Variants in PLA2G4C observed in about 807,000 individuals in gnomAD.
PLA2G4C encodes phospholipase A2 group IVC, also known as cytosolic phospholipase A2 gamma.
In PLA2G4C, 64 loss-of-function variants were observed where a neutral mutation model predicts 73.8. That is an observed-to-expected ratio of 0.87 (90% CI 0.71 to 1.07). PLA2G4C has a LOEUF of 1.07. Ranked by LOEUF, PLA2G4C falls within the 50% of genes least tolerant of loss-of-function variation. PLA2G4C has a pLI of 0.00. For synonymous variants in PLA2G4C, 254 were observed against 252.1 expected (o/e 1.01, Z -0.07); for missense variants, 622 against 665.4 (o/e 0.93, Z 0.72).
chr19:48,055,145 A>T, intron 14 of PLA2G4C, 96 bp from the exon 15 acceptor site: 1 of 1,075,532 alleles, frequency 9.3e-7, no homozygotes. Flanking sequence ...ACCTCAGCTA[A>T]CAGCCCAGAC....
At chr19:48,070,379 C>T (rs1243311360) in intron 12 of PLA2G4C, among the ~76,000 whole-genome samples, 2 of 152,180 alleles carry the variant, frequency 1.3e-5, no homozygotes, top group African/African-American at 4.8e-5. Context: ...GAGGGCAAAA[C>T]AGTTTCTAGA....
At chr19:48,069,388 C>T (rs1445281746) in intron 12 of PLA2G4C, among the ~76,000 whole-genome samples, 5 of 152,256 alleles carry the variant, frequency 3.3e-5, no homozygotes, top group South Asian at 2.1e-4. Flanking sequence ...CACACTTTCC[C>T]GTGCTCCCTT....
In PLA2G4C at chr19:48,105,292, G is replaced by A. The variant is rs757308267; in HGVS notation, c.120+41C>T. On this transcript the variant is annotated intron_variant, in intron 3 of 16. Coordinates refer to ENST00000599921, the MANE Select transcript of PLA2G4C (RefSeq NM_003706.3). Reference sequence around the variant, plus strand: ...CCTGGACACTGGGCACAGAGGGGGCGATTCTGGGATCTCTGGGGCCACCCT... The same window carrying A: ...CCTGGACACTGGGCACAGAGGGGGCAATTCTGGGATCTCTGGGGCCACCCT... 23 of 1,408,086 alleles carry A rather than the reference G, an allele frequency of 1.6e-5. 1 individual carries two copies. The East Asian group carries it at 2.1e-4, about 13-fold the overall frequency. 87.2% of individuals were successfully genotyped at this position (1,408,086 alleles called of 1,614,324 possible).
chr19:48,049,172 C>T (rs1000609), intron 16 of PLA2G4C, among the ~76,000 whole-genome samples: 28,993 of 152,104 alleles, frequency 0.19, 3,537 homozygotes, highest in Non-Finnish European at 0.26. Flanking sequence ...TATAAATTAC[C>T]GAGCCTCAGA....
intron 12 of PLA2G4C, among the ~76,000 whole-genome samples, chr19:48,068,220 G>A (rs757029209): frequency 2.9e-4 from 44 of 149,206 alleles, no homozygotes; most frequent in Admixed American, 1.2e-3. Flanking sequence ...CAGGAGAATC[G>A]CTTGAACCTG....
At chr19:48,081,492 T>C (rs1600211833) in intron 10 of PLA2G4C, among the ~76,000 whole-genome samples, 1 of 151,854 alleles carries the variant, frequency 6.6e-6, no homozygotes, top group Non-Finnish European at 1.5e-5. Context: ...GAGTGGTGGG[T>C]CATGCCTGTA....
intron 16 of PLA2G4C, among the ~76,000 whole-genome samples, chr19:48,051,070 A>G (rs1158888305): frequency 2.0e-5 from 3 of 152,154 alleles, no homozygotes; most frequent in Non-Finnish European, 4.4e-5. Context: ...GGGTGGGCCC[A>G]GTGGAATCCC....
At chr19:48,075,943 C>T (rs1310664586) in intron 11 of PLA2G4C, among the ~76,000 whole-genome samples, 1 of 152,196 alleles carries the variant, frequency 6.6e-6, no homozygotes, top group Non-Finnish European at 1.5e-5. Context: ...ATGGTGAATG[C>T]TGATGTCAAA....
In PLA2G4C at chr19:48,048,238, G is replaced by T. The variant is rs528029149; in HGVS notation, c.*105C>A. The T allele has an allele frequency of 2.5e-6, 2 of 785,596 alleles. No homozygotes were observed. Among genetic ancestry groups the T allele is most frequent in the Non-Finnish European group, 2.1e-6 (1 of 472,206 alleles). The allele number at this position is 785,596 out of a possible 1,614,324, so 48.7% of individuals were successfully genotyped here. A position where few individuals can be genotyped will look rare whatever the true frequency, so the allele number is the denominator to read the frequency against. ...TTAGGACAGCCAAGGTGAACTCAAGGCCATGAAGCGTGTGGCTGAAGGGAG... is the reference window on the plus strand; with the variant it reads ...TTAGGACAGCCAAGGTGAACTCAAGTCCATGAAGCGTGTGGCTGAAGGGAG... On this transcript the variant is annotated 3_prime_UTR_variant, in exon 17 of 17. Coordinates refer to ENST00000599921, the MANE Select transcript of PLA2G4C (RefSeq NM_003706.3).
intron 15 of PLA2G4C, 76 bp downstream of exon 15, chr19:48,054,802 T>A (rs1390901463): frequency 9.1e-6 from 12 of 1,322,860 alleles, no homozygotes; most frequent in Non-Finnish European, 1.3e-5. Flanking sequence ...TTACCCAGTC[T>A]CAGGTATGTT....
At chr19:48,109,502 G>C (rs1249266098) in intron 1 of PLA2G4C, among the ~76,000 whole-genome samples, 1 of 152,072 alleles carries the variant, frequency 6.6e-6, no homozygotes, top group East Asian at 1.9e-4. Context: ...GAACTCCTAG[G>C]CTCAAGAGAG....
Position 48,055,061 on chromosome 19 carries a change from G to C in PLA2G4C, c.1258-12C>G. 1 of 1,586,568 alleles carries C rather than the reference G, an allele frequency of 6.3e-7. No homozygotes were observed. Among genetic ancestry groups the C allele is most frequent in the South Asian group, 1.2e-5 (1 of 86,296 alleles). ...GTAGCCCGGATGGTCTGAGAAGGAG[G>C]CAATAAGAAATGGTTGCAAGACCTC... is the stretch of plus-strand genomic sequence containing the variant. On this transcript the variant is annotated splice_polypyrimidine_tract_variant and intron_variant, in intron 14 of 16. Coordinates refer to ENST00000599921, the MANE Select transcript of PLA2G4C (RefSeq NM_003706.3).
intron 4 of PLA2G4C, among the ~76,000 whole-genome samples, chr19:48,102,598 C>CATG (rs1452169679): frequency 3.3e-5 from 5 of 152,158 alleles, no homozygotes; most frequent in Admixed American, 3.3e-4. Flanking sequence ...GGACGATTTG[C>CATG]ATGTGTTTCA....
rs773115096 is a variant in PLA2G4C, at chr19:48,074,748, A to G, written c.1006+19T>C. 7 of 1,549,454 alleles carry G rather than the reference A, an allele frequency of 4.5e-6. No individual in the cohort carries two copies. The highest frequency in any genetic ancestry group is 3.4e-4 in the Middle Eastern group (2 of 5,936). ...GTGGCACTTACTGTTGATGACACTT[A>G]TCACACTACACATGGTACCTTTCCT... On this transcript the variant is annotated intron_variant, in intron 12 of 16. Transcript: ENST00000599921.
At chr19:48,098,713 TAAAAAAAAAA>T (rs548688675) in intron 5 of PLA2G4C, among the ~76,000 whole-genome samples, 55 of 30,900 alleles carry the variant, frequency 1.8e-3, no homozygotes, top group Non-Finnish European at 2.4e-3. Context: ...ACCCTATCTC[TAAAAAAAAAA>T]AAAAAAAAAA....
At chr19:48,071,960 A>G (rs1327280616) in intron 12 of PLA2G4C, among the ~76,000 whole-genome samples, 1 of 151,578 alleles carries the variant, frequency 6.6e-6, no homozygotes, top group East Asian at 2.0e-4. Flanking sequence ...AGCCTGGCCA[A>G]TATGATGAAA....
intron 4 of PLA2G4C, among the ~76,000 whole-genome samples, chr19:48,100,711 C>T (rs1331614324): frequency 6.7e-6 from 1 of 149,734 alleles, no homozygotes; most frequent in Non-Finnish European, 1.5e-5. Context: ...AGATCGAGAC[C>T]ATCCTGGCTA....
chr19:48,064,333 G>T (rs1968325093), intron 13 of PLA2G4C, among the ~76,000 whole-genome samples: 1 of 151,524 alleles, frequency 6.6e-6, no homozygotes, highest in Non-Finnish European at 1.5e-5. Context: ...GGAGGCTGAG[G>T]CAGGAGAATC....
At chr19:48,093,487 G>GT (rs1568446787) in intron 7 of PLA2G4C, among the ~76,000 whole-genome samples, 2 of 152,196 alleles carry the variant, frequency 1.3e-5, no homozygotes, top group African/African-American at 4.8e-5. Flanking sequence ...AGAGTGAGAT[G>GT]TTTTACCATA....
Sources: gnomAD v4.1 joint callset for allele counts (sites outside exome capture counted in the v4.1 genomes callset) on GRCh38, gnomAD v4.1.1 for gene constraint, MANE v1.5 for transcripts, NCBI Gene and HGNC (gene_info 2026-07-23, HGNC 2026-07-21) for gene names.